Variants in FSTL4 observed in about 807,000 individuals in gnomAD.
The protein encoded by FSTL4 is follistatin-related protein 4.
FSTL4 carries 28 observed loss-of-function variants against 78.2 expected under a neutral mutation model. The observed-to-expected ratio is 0.36, with a 90% CI of 0.27 to 0.49. The LOEUF (loss-of-function observed/expected upper bound fraction) is 0.49, where lower values mean the gene tolerates loss of function less well. FSTL4 is among the 20% of genes least tolerant of loss of function. The pLI is 0.98. For missense variants in FSTL4, 922 were observed against 1,084.9 expected (o/e 0.85, Z 2.11); for synonymous variants, 422 against 440.5 (o/e 0.96, Z 0.53).
intron 2 of FSTL4, among the ~76,000 whole-genome samples, chr5:133,576,527 C>T (rs1462790911): frequency 6.6e-6 from 1 of 152,188 alleles, no homozygotes; most frequent in African/African-American, 2.4e-5. Flanking sequence ...TGGAGTGGAG[C>T]TCAACGTGGC....
chr5:133,786,428 T>C, the FSTL4 span, among the ~76,000 whole-genome samples: 1 of 152,200 alleles, frequency 6.6e-6, no homozygotes, highest in Non-Finnish European at 1.5e-5. Context: ...CTAAAATATT[T>C]TGTAAAACCT....
At chr5:133,223,315 TTC>T (rs1302796672) in intron 11 of FSTL4, among the ~76,000 whole-genome samples, 1 of 152,242 alleles carries the variant, frequency 6.6e-6, no homozygotes, top group Admixed American at 6.5e-5. Context: ...CAGGAAATTG[TTC>T]TGAGTATGTG....
At chr5:133,447,950 G>A (rs1192003023) in intron 3 of FSTL4, among the ~76,000 whole-genome samples, 1 of 151,014 alleles carries the variant, frequency 6.6e-6, no homozygotes, top group Non-Finnish European at 1.5e-5. Flanking sequence ...TTTCTTTCTT[G>A]GAACAGATGG....
chr5:133,698,839 G>A, the FSTL4 span, among the ~76,000 whole-genome samples: 2 of 152,260 alleles, frequency 1.3e-5, no homozygotes, highest in Non-Finnish European at 2.9e-5. Flanking sequence ...ACCTCGGGAG[G>A]CCGGGCAGTG....
chr5:133,698,137 A>C, the FSTL4 span, among the ~76,000 whole-genome samples: 1 of 152,252 alleles, frequency 6.6e-6, no homozygotes, highest in Non-Finnish European at 1.5e-5. Context: ...TCAAAGCCAC[A>C]GGGAGGAAGC....
chr5:133,351,469 G>T lies in FSTL4; in HGVS notation c.410-34817C>A, dbSNP rs73263731. 2.7e-3 allele frequency among the ~76,000 whole-genome samples: 405 copies of T among 151,886 alleles called. 2 individuals carry two copies. The highest frequency in any genetic ancestry group is 9.5e-3 in the African/African-American group (392 of 41,388). On this transcript the variant is annotated intron_variant, in intron 4 of 15. Transcript: ENST00000265342. ...TATAACTCCTATTAGATGTATATGGGTTCTTGTCATTGTCACCCATATCTT... is the reference window on the plus strand; with the variant it reads ...TATAACTCCTATTAGATGTATATGGTTTCTTGTCATTGTCACCCATATCTT...
At chr5:133,383,798 C>T (rs975420210) in intron 4 of FSTL4, among the ~76,000 whole-genome samples, 5 of 152,270 alleles carry the variant, frequency 3.3e-5, no homozygotes, top group Non-Finnish European at 5.9e-5. Flanking sequence ...GCTTGCTGGT[C>T]GAGGCGTGCA....
At position 133,344,170 on chromosome 5, in the gene FSTL4, T is replaced by A. The variant is rs534766138; in HGVS notation, c.410-27518A>T. Among the ~76,000 whole-genome samples the A allele has an allele frequency of 2.0e-3, 312 of 152,218 alleles. 5 individuals are homozygous for A. In the Middle Eastern group the frequency reaches 0.037, roughly 18 times the overall value. On this transcript the variant is annotated intron_variant, in intron 4 of 15. Coordinates refer to ENST00000265342, the MANE Select transcript of FSTL4 (RefSeq NM_015082.2). The stretch of plus-strand genomic sequence containing the variant: ...TAATATGGCACCACTTTCTTGAAAA[T>A]TTTTAAAAGCAAAATATGCATACCA...
the FSTL4 span, among the ~76,000 whole-genome samples, chr5:133,650,860 G>T: frequency 6.6e-6 from 1 of 152,156 alleles, no homozygotes; most frequent in Non-Finnish European, 1.5e-5. Flanking sequence ...TCTTGACTAT[G>T]TTGAGTCTTT....
chr5:133,705,863 A>ACACACG, the FSTL4 span, among the ~76,000 whole-genome samples: 1 of 134,950 alleles, frequency 7.4e-6, no homozygotes, highest in Non-Finnish European at 1.6e-5. Context: ...GCGCGCACAC[A>ACACACG]CACACGCACA....
chr5:133,220,856 C>T lies in FSTL4; in HGVS notation c.1350G>A (p.Val450=), dbSNP rs1456453724. ...NILWREEGLS[V]GNMFYVFSDD... ...CGGAGAAGACATAGAACATGTTTCC[C>T]ACGCTGAGGCCTGGGAGGAGCAAAT... is the stretch of plus-strand genomic sequence containing the variant. Residue 450 remains valine, a synonymous_variant, in exon 12 of 16, where the codon GTG becomes GTA. Coordinates refer to ENST00000265342, the MANE Select transcript of FSTL4 (RefSeq NM_015082.2). 10 of 1,603,422 alleles carry T rather than the reference C, an allele frequency of 6.2e-6. No individual in the cohort carries two copies. Among genetic ancestry groups the T allele is most frequent in the Non-Finnish European group, 8.5e-6 (10 of 1,170,366 alleles).
the FSTL4 span, among the ~76,000 whole-genome samples, chr5:133,740,001 C>G: frequency 6.6e-6 from 1 of 151,870 alleles, no homozygotes; most frequent in Non-Finnish European, 1.5e-5. Context: ...CAAGCAATCC[C>G]ACCACCTCAG....
intron 4 of FSTL4, among the ~76,000 whole-genome samples, chr5:133,362,205 C>A (rs1755087827): frequency 6.6e-6 from 1 of 152,200 alleles, no homozygotes; most frequent in Non-Finnish European, 1.5e-5. Context: ...CTGGCTACAT[C>A]ATTATGAATT....
the FSTL4 span, among the ~76,000 whole-genome samples, chr5:133,657,345 C>A: frequency 2.0e-5 from 3 of 152,138 alleles, no homozygotes; most frequent in African/African-American, 7.2e-5. Context: ...CTAAGATGAC[C>A]AGGAAAAGAG....
rs1182934609 is a variant in FSTL4 at position 133,586,198 on chromosome 5, C to T, written c.126+17660G>A. 7.5e-5 allele frequency among the ~76,000 whole-genome samples: 7 copies of T among 93,866 alleles called. 1 individual carries two copies. The East Asian group carries it at 2.7e-3, about 36-fold the overall frequency. 61.6% of individuals were successfully genotyped at this position (93,866 alleles called of 152,430 possible). On this transcript the variant is annotated intron_variant, in intron 2 of 15. Coordinates refer to ENST00000265342, the MANE Select transcript of FSTL4 (RefSeq NM_015082.2). Reference sequence around the variant, plus strand: ...GAAAGCAGGAAAGATCCAAAATTGACACCCTAACATCACAATTAAAAGAAC... The same window carrying T: ...GAAAGCAGGAAAGATCCAAAATTGATACCCTAACATCACAATTAAAAGAAC...
At chr5:133,581,196 G>A (rs141435939) in intron 2 of FSTL4, among the ~76,000 whole-genome samples, 105 of 152,288 alleles carry the variant, frequency 6.9e-4, no homozygotes, top group African/African-American at 2.5e-3. Context: ...CAATAAGACC[G>A]TTTTTCAATT....
At chr5:133,743,109 G>GA in the FSTL4 span, among the ~76,000 whole-genome samples, 2 of 152,102 alleles carry the variant, frequency 1.3e-5, no homozygotes, top group Non-Finnish European at 2.9e-5. Context: ...CCTCTCAGGA[G>GA]AAAAAAATCT....
chr5:133,330,866 G>A (rs1754329178), intron 4 of FSTL4, among the ~76,000 whole-genome samples: 1 of 152,198 alleles, frequency 6.6e-6, no homozygotes, highest in South Asian at 2.1e-4. Flanking sequence ...GATTTTTAAA[G>A]AACAGCGGGA....
At chr5:133,803,910 G>C in the FSTL4 span, among the ~76,000 whole-genome samples, 537 of 152,266 alleles carry the variant, frequency 3.5e-3, 5 homozygotes, top group South Asian at 0.034. Context: ...AAGAGAAAGA[G>C]AAGCCCTGAT....
Sources: gnomAD v4.1 joint callset for allele counts (sites outside exome capture counted in the v4.1 genomes callset) on GRCh38, gnomAD v4.1.1 for gene constraint, MANE v1.5 for transcripts, NCBI Gene and HGNC (gene_info 2026-07-23, HGNC 2026-07-21) for gene names.